Variants in RYR3 observed in about 807,000 individuals in gnomAD.
RYR3 encodes brain ryanodine receptor-calcium release channel.
Under a neutral mutation model 584.3 loss-of-function variants are expected in RYR3, and 207 were observed. The observed-to-expected ratio is 0.35, with a 90% CI of 0.32 to 0.40. RYR3 has a LOEUF of 0.40. RYR3 is among the 10% of genes least tolerant of loss of function. The pLI, the probability that RYR3 is intolerant of heterozygous loss-of-function variation, is 1.00. For missense variants in RYR3, 5,616 were observed against 6,089.2 expected (o/e 0.92, Z 2.59); for synonymous variants, 2,416 against 2,248.5 (o/e 1.07, Z -2.11).
chr15:33,518,481 C>T (rs1420227542), intron 3 of RYR3, among the ~76,000 whole-genome samples: 3 of 152,124 alleles, frequency 2.0e-5, no homozygotes, highest in Non-Finnish European at 4.4e-5. Context: ...CTCGCAGGAG[C>T]TCTGCAGGTG....
chr15:33,788,138 C>T, intron 66 of RYR3, 80 bp from the exon 67 acceptor site: 1 of 1,566,492 alleles, frequency 6.4e-7, no homozygotes, highest in East Asian at 2.2e-5. Context: ...GATTCCACGG[C>T]CTCACCTTTC....
chr15:33,486,402 A>T (rs8041666), intron 2 of RYR3, among the ~76,000 whole-genome samples: 29,056 of 152,044 alleles, frequency 0.19, 6,104 homozygotes, highest in African/African-American at 0.53. Context: ...TTCTCTGTGC[A>T]CGTCTTTGCC....
intron 38 of RYR3, among the ~76,000 whole-genome samples, chr15:33,692,266 T>C (rs934012566): frequency 1.3e-5 from 2 of 152,240 alleles, no homozygotes; most frequent in Admixed American, 6.5e-5. Context: ...TAGCATTGCT[T>C]GCTAGGGGTA....
chr15:33,772,943 A>G (rs181376697), intron 63 of RYR3, among the ~76,000 whole-genome samples: 1 of 152,314 alleles, frequency 6.6e-6, no homozygotes, highest in Admixed American at 6.5e-5. Flanking sequence ...ATGGCTAGGG[A>G]TGTGTAGCCG....
intron 43 of RYR3, among the ~76,000 whole-genome samples, chr15:33,710,307 A>G (rs2152790978): frequency 6.6e-6 from 1 of 150,458 alleles, no homozygotes; most frequent in Non-Finnish European, 1.5e-5. Flanking sequence ...GGAGGAAGAG[A>G]GAGAGAGTAG....
intron 19 of RYR3, among the ~76,000 whole-genome samples, chr15:33,622,955 TCAGC>T (rs1211041300): frequency 6.6e-6 from 1 of 152,230 alleles, no homozygotes; most frequent in Admixed American, 6.5e-5. Flanking sequence ...AGGCTGACTT[TCAGC>T]CAGAATACTG....
intron 22 of RYR3, 126 bp from the exon 23 acceptor site, chr15:33,631,082 GAA>G: frequency 1.7e-6 from 1 of 592,756 alleles, no homozygotes; most frequent in East Asian, 2.9e-5. Context: ...GCCCCTTACA[GAA>G]AAAGTCTACT....
chr15:33,450,457 C>T lies in RYR3; in HGVS notation c.52-22962C>T, dbSNP rs942850040. On this transcript the variant is annotated intron_variant, in intron 1 of 103. Coordinates refer to ENST00000634891, the MANE Select transcript of RYR3 (RefSeq NM_001036.6). ...TTCTGCCGCCCGCCCTCATCTCAAG[C>T]TTCTCTAAGTCAAAGTTCTCCACAC... is the stretch of plus-strand genomic sequence containing the variant. Among the ~76,000 whole-genome samples, 7 of 152,230 alleles carry T rather than the reference C, an allele frequency of 4.6e-5. No individual in the cohort carries two copies. In the East Asian group the frequency reaches 1.4e-3, roughly 29 times the overall value.
intron 1 of RYR3, among the ~76,000 whole-genome samples, chr15:33,354,677 C>G (rs2140956398): frequency 6.6e-6 from 1 of 152,282 alleles, no homozygotes; most frequent in Admixed American, 6.5e-5. Context: ...CTCACTAACT[C>G]TCACATATAC....
At chr15:33,319,924 T>C (rs1023079311) in intron 1 of RYR3, among the ~76,000 whole-genome samples, 1 of 152,036 alleles carries the variant, frequency 6.6e-6, no homozygotes, top group Non-Finnish European at 1.5e-5. Flanking sequence ...TACCTACAGA[T>C]TGGAAAGTTC....
At chr15:33,642,142 T>C (rs1177752299) in intron 27 of RYR3, among the ~76,000 whole-genome samples, 1 of 152,220 alleles carries the variant, frequency 6.6e-6, no homozygotes, top group African/African-American at 2.4e-5. Flanking sequence ...AGAAGTCTTA[T>C]GCAGTTATTA....
intron 1 of RYR3, among the ~76,000 whole-genome samples, chr15:33,403,057 G>C (rs1028907425): frequency 5.3e-5 from 8 of 152,182 alleles, no homozygotes; most frequent in African/African-American, 1.9e-4. Context: ...TTTTATTTTA[G>C]TTTGTATCTT....
chr15:33,612,341 A>G (rs2060236951), intron 18 of RYR3, among the ~76,000 whole-genome samples: 2 of 152,184 alleles, frequency 1.3e-5, no homozygotes, highest in Non-Finnish European at 2.9e-5. Flanking sequence ...CAAATAAGCA[A>G]ACTACGTAGC....
At chr15:33,723,144 C>T (rs1055400447) in intron 44 of RYR3, among the ~76,000 whole-genome samples, 5 of 152,246 alleles carry the variant, frequency 3.3e-5, no homozygotes, top group Non-Finnish European at 7.3e-5. Context: ...AGTGGGCAAA[C>T]TCTTGGCCTC....
chr15:33,664,205 G>C (rs1047509557), intron 36 of RYR3, among the ~76,000 whole-genome samples: 3 of 152,094 alleles, frequency 2.0e-5, no homozygotes, highest in African/African-American at 7.2e-5. Flanking sequence ...CCGGTGGCAC[G>C]ACTCTCTCAC....
At chr15:33,683,938 G>A (rs891696982) in intron 38 of RYR3, among the ~76,000 whole-genome samples, 4 of 152,350 alleles carry the variant, frequency 2.6e-5, no homozygotes, top group East Asian at 3.9e-4. Flanking sequence ...GAAGAGGGGC[G>A]TCTGCCATTG....
At chr15:33,378,364 A>T (rs9972325) in intron 1 of RYR3, among the ~76,000 whole-genome samples, 24,268 of 152,098 alleles carry the variant, frequency 0.16, 2,246 homozygotes, top group African/African-American at 0.25. Context: ...TAAACTTAAC[A>T]GTGTTGCTTC....
At position 33,662,715 on chromosome 15, in the gene RYR3, A is replaced by C; in HGVS notation, c.5185A>C (p.Ile1729Leu). 1 of 1,614,146 alleles carries C rather than the reference A, an allele frequency of 6.2e-7. No homozygotes were observed. The highest frequency in any genetic ancestry group is 2.2e-5 in the East Asian group (1 of 44,874). ...CCAGTTTGTGCCTGTGCTGAAACTC[A>C]TTGGAACCCTGCTGGTCATGGGCGT... ...EFQFVPVLKL[I>L]GTLLVMGVFD... Residue 1729 changes from isoleucine to leucine, a missense_variant, in exon 35 of 104, where the codon ATT (isoleucine) becomes CTT (leucine). Coordinates refer to ENST00000634891, the MANE Select transcript of RYR3 (RefSeq NM_001036.6).
At chr15:33,499,093 C>T (rs974928182) in intron 2 of RYR3, among the ~76,000 whole-genome samples, 1 of 151,998 alleles carries the variant, frequency 6.6e-6, no homozygotes, top group African/African-American at 2.4e-5. Flanking sequence ...GCCCAAACTC[C>T]TCCTTGGCAA....
Sources: allele counts gnomAD v4.1 joint callset (sites outside exome capture counted in the v4.1 genomes callset), GRCh38; gene constraint gnomAD v4.1.1; transcripts MANE v1.5; gene names NCBI Gene and HGNC (gene_info 2026-07-23, HGNC 2026-07-21).